ZFP64: variants seen among roughly 807,000 people sequenced by gnomAD.
ZFP64 encodes the protein ZFP64 zinc finger protein.
A neutral mutation model predicts 51.6 loss-of-function variants in ZFP64; 14 were observed. That is an observed-to-expected ratio of 0.27 (90% confidence interval 0.18 to 0.42). ZFP64 has a LOEUF of 0.42. Among genes scored for constraint, ZFP64 ranks in the 10% least tolerant of loss-of-function variants. ZFP64 has a pLI of 1.00. For synonymous variants in ZFP64, 375 were observed against 361.4 expected (o/e 1.04, Z -0.43); for missense variants, 754 against 906.8 (o/e 0.83, Z 2.16).
At chr20:52,184,443 C>T (rs928586937) in intron 2 of ZFP64, among the ~76,000 whole-genome samples, 2 of 152,126 alleles carry the variant, frequency 1.3e-5, no homozygotes, top group South Asian at 2.1e-4. Flanking sequence ...TTTACATTAC[C>T]GCCCCATCCC....
Position 52,191,574 on chromosome 20 carries a change from C to A in ZFP64, c.46+17G>T. 6.4e-7 allele frequency: 1 copy of A among 1,572,930 alleles called. No homozygotes were observed. The highest frequency in any genetic ancestry group is 1.4e-5 in the African/African-American group (1 of 71,960). On this transcript the variant is annotated intron_variant, in intron 1 of 5. Transcript: ENST00000216923. The surrounding 1 kb of genome is among the most constrained non-coding windows in gnomAD (Gnocchi z 4.3). The stretch of plus-strand genomic sequence containing the variant: ...ACTGGGCCCCGGAGCGCGCACTGCT[C>A]CCGGAAAAGCACTTACTTTGCACCG...
chr20:52,126,707 T>TA (rs1176667062), intron 5 of ZFP64, among the ~76,000 whole-genome samples: 2 of 152,208 alleles, frequency 1.3e-5, no homozygotes, highest in African/African-American at 2.4e-5. Context: ...AGAATTCTCT[T>TA]TAGGATTTTA....
intron 7 of ZFP64, among the ~76,000 whole-genome samples, chr20:52,091,900 G>C (rs1267605027): frequency 6.9e-6 from 1 of 144,074 alleles, no homozygotes; most frequent in African/African-American, 2.5e-5. Context: ...TGAGGCAGGA[G>C]AATCGCTTGA....
chr20:52,092,126 T>A (rs1219880342), intron 7 of ZFP64, among the ~76,000 whole-genome samples: 12 of 152,206 alleles, frequency 7.9e-5, no homozygotes. Context: ...GAATTGAGGC[T>A]ACGTATAGCA....
intron 2 of ZFP64, among the ~76,000 whole-genome samples, chr20:52,170,105 T>C (rs1245885600): frequency 6.6e-6 from 1 of 151,954 alleles, no homozygotes; most frequent in Non-Finnish European, 1.5e-5. Context: ...TTTTGTTGCC[T>C]GTGCTTTGGT....
At chr20:52,126,910 AT>A (rs145753021) in intron 5 of ZFP64, among the ~76,000 whole-genome samples, 34,679 of 144,746 alleles carry the variant, frequency 0.24, 4,108 homozygotes, top group Admixed American at 0.28. Context: ...AGTGGAAAGA[AT>A]TTTTTTTTTT....
intron 5 of ZFP64, among the ~76,000 whole-genome samples, chr20:52,112,510 CTTCTT>C (rs544139229): frequency 1.1e-3 from 173 of 152,254 alleles, no homozygotes; most frequent in African/African-American, 4.0e-3. Context: ...AAAGCTTACT[CTTCTT>C]TTTAAAGAGA....
At chr20:52,178,626 G>C (rs143319710) in intron 2 of ZFP64, among the ~76,000 whole-genome samples, 4 of 151,970 alleles carry the variant, frequency 2.6e-5, no homozygotes, top group African/African-American at 9.7e-5. Context: ...CTCCCACCAC[G>C]TTCCCCTGTG....
chr20:52,189,167 G>A (rs1257230669), intron 1 of ZFP64, among the ~76,000 whole-genome samples: 4 of 152,116 alleles, frequency 2.6e-5, no homozygotes, highest in South Asian at 2.1e-4. Context: ...TTGGGAAGCC[G>A]AGATGGGTGG....
At chr20:52,190,437 G>GAA (rs112396588) in intron 1 of ZFP64, among the ~76,000 whole-genome samples, 25,000 of 152,064 alleles carry the variant, frequency 0.16, 2,801 homozygotes, top group African/African-American at 0.32. Context: ...AAAAATGGGA[G>GAA]GAGAGGTTTC....
chr20:52,105,528 G>T, intron 5 of ZFP64: 3 of 346,666 alleles, frequency 8.7e-6, no homozygotes. Flanking sequence ...ATCAGAATCT[G>T]CATTTTAACA....
At chr20:52,122,470 C>A (rs2122854884) in intron 5 of ZFP64, among the ~76,000 whole-genome samples, 1 of 143,034 alleles carries the variant, frequency 7.0e-6, no homozygotes, top group East Asian at 2.1e-4. Context: ...GGCTCCACTG[C>A]ACTCCAGCCT....
intron 7 of ZFP64, chr20:52,097,014 G>T: frequency 1.7e-6 from 1 of 603,876 alleles, no homozygotes. Flanking sequence ...ATGCCAACAG[G>T]CTGAGTTGCC....
At chr20:52,095,416 T>A (rs6096750) in intron 7 of ZFP64, among the ~76,000 whole-genome samples, 1 of 152,038 alleles carries the variant, frequency 6.6e-6, no homozygotes, top group African/African-American at 2.4e-5. Flanking sequence ...CACACCAGCC[T>A]GATCACTCAC....
At position 52,191,212 on chromosome 20, in the gene ZFP64, C is replaced by T. The variant is rs1984340432; in HGVS notation, c.46+379G>A. ...TTTGAGCCACTGAGGCAGAAGTTTT[C>T]CCATCAGTGTTGCCCCGTTTACCCT... On this transcript the variant is annotated intron_variant, in intron 1 of 5. Coordinates refer to ENST00000216923, the MANE Select transcript of ZFP64 (RefSeq NM_018197.3). The surrounding 1 kb of genome is among the most constrained non-coding windows in gnomAD (Gnocchi z 4.3). 6.6e-6 allele frequency among the ~76,000 whole-genome samples: 1 copy of T among 152,194 alleles called. No individual in the cohort carries two copies. The highest frequency in any genetic ancestry group is 1.5e-5 in the Non-Finnish European group (1 of 68,016).
At position 52,151,548 on chromosome 20, in the gene ZFP64, A is replaced by G; in HGVS notation, c.*598T>C. 1 of 985,730 alleles carries G rather than the reference A, an allele frequency of 1.0e-6. No individual in the cohort carries two copies. The highest frequency in any genetic ancestry group is 1.2e-6 in the Non-Finnish European group (1 of 830,184). 61.1% of individuals were successfully genotyped at this position (985,730 alleles called of 1,614,324 possible). A position where few individuals can be genotyped will look rare whatever the true frequency, so the allele number is the denominator to read the frequency against. On this transcript the variant is annotated 3_prime_UTR_variant, in exon 6 of 6. Coordinates refer to ENST00000216923, the MANE Select transcript of ZFP64 (RefSeq NM_018197.3). ...TTAGAGTTGGAAAATCAAGTTGGAA[A>G]CAAACACATGAATTCACTACTTAAT... is the stretch of plus-strand genomic sequence containing the variant.
In ZFP64 at chr20:52,090,735, G is replaced by A. The variant is rs185930880; in HGVS notation, c.977-2092C>T. Among the ~76,000 whole-genome samples, 273 of 151,714 alleles carry A rather than the reference G, an allele frequency of 1.8e-3. 1 individual carries two copies. The highest frequency in any genetic ancestry group is 6.3e-3 in the African/African-American group (262 of 41,350). On this transcript the variant is annotated intron_variant, in intron 7 of 8. Coordinates refer to the ZFP64 transcript ENST00000361387. ...AATGGCTTGAACCCAGGAGGAGGAGGTTGCAGTGAGCCGAGATCGTGCCAC... is the reference window on the plus strand; with the variant it reads ...AATGGCTTGAACCCAGGAGGAGGAGATTGCAGTGAGCCGAGATCGTGCCAC...
In ZFP64 at chr20:52,152,761, C is replaced by T. The variant is rs752119138; in HGVS notation, c.1431G>A (p.Val477=). The change falls in exon 6 of 6, where the codon GTG becomes GTA. Residue 477 remains valine (V), a synonymous_variant. Coordinates refer to ENST00000216923, the MANE Select transcript of ZFP64 (RefSeq NM_018197.3). ...GCTGGAGGGGCACCTGGAGGTGTCC[C>T]ACAGTGAGGGGCGTGGCGGGCTGCT... The part of the protein sequence containing the change: ...PSKQPATPLT[V]GHLQVPLQPS... 5.6e-6 allele frequency: 9 copies of T among 1,597,878 alleles called. No homozygotes were observed. In the East Asian group the frequency reaches 2.0e-4, roughly 36 times the overall value.
chr20:52,097,453 A>AT (rs11309611), intron 6 of ZFP64: 50,011 of 1,426,602 alleles, frequency 0.035, 34 homozygotes, highest in African/African-American at 0.053. Flanking sequence ...AGAAAAATAG[A>AT]TTTTTTTTTT....
Sources: gnomAD v4.1 joint callset for allele counts (sites outside exome capture counted in the v4.1 genomes callset) on GRCh38, gnomAD v4.1.1 for gene constraint, Gnocchi (gnomAD v3.1) non-coding constraint, MANE v1.5 for transcripts, NCBI Gene and HGNC (gene_info 2026-07-23, HGNC 2026-07-21) for gene names.